ENOX1: variants seen among roughly 807,000 people sequenced by gnomAD.
The protein encoded by ENOX1 is ecto-NOX disulfide-thiol exchanger 1.
In ENOX1, 42 loss-of-function variants were observed where a neutral mutation model predicts 82.5. That is an observed-to-expected ratio of 0.51 (90% CI 0.40 to 0.66). ENOX1 has a LOEUF of 0.66. Ranked by LOEUF, ENOX1 falls within the 30% of genes least tolerant of loss-of-function variation. The probability of loss-of-function intolerance (pLI) is 0.00; values close to 1 mark genes in which losing one functional copy is unlikely to be tolerated. For synonymous variants in ENOX1, 271 were observed against 282.2 expected (o/e 0.96, Z 0.40); for missense variants, 608 against 811.6 (o/e 0.75, Z 3.05).
chr13:43,325,981 G>A (rs77840606), intron 10 of ENOX1, among the ~76,000 whole-genome samples: 1,855 of 152,136 alleles, frequency 0.012, 46 homozygotes, highest in African/African-American at 0.043. Flanking sequence ...CTAGCATAGG[G>A]ACTAAGATGT....
At chr13:43,657,840 C>T (rs2153782689) in intron 2 of ENOX1, among the ~76,000 whole-genome samples, 1 of 152,230 alleles carries the variant, frequency 6.6e-6, no homozygotes, top group South Asian at 2.1e-4. Flanking sequence ...AAATTCGGGC[C>T]TCATTATTAT....
chr13:43,736,619 G>A (rs1215549188), intron 1 of ENOX1, among the ~76,000 whole-genome samples: 1 of 152,096 alleles, frequency 6.6e-6, no homozygotes, highest in Non-Finnish European at 1.5e-5. Flanking sequence ...TATCCCGCTT[G>A]TCTCCGCAGT....
At chr13:43,323,550 T>C (rs2047933727) in intron 10 of ENOX1, among the ~76,000 whole-genome samples, 1 of 152,216 alleles carries the variant, frequency 6.6e-6, no homozygotes, top group Non-Finnish European at 1.5e-5. Flanking sequence ...TTTATATTAT[T>C]ATTTTGTATC....
intron 1 of ENOX1, among the ~76,000 whole-genome samples, chr13:43,686,873 A>G (rs1212824699): frequency 1.3e-5 from 2 of 152,156 alleles, no homozygotes; most frequent in Non-Finnish European, 2.9e-5. Context: ...ACTCGTGGAA[A>G]ACAGCATACT....
chr13:43,549,691 T>C (rs2079108102), intron 2 of ENOX1, among the ~76,000 whole-genome samples: 1 of 152,242 alleles, frequency 6.6e-6, no homozygotes, highest in Non-Finnish European at 1.5e-5. Context: ...CCTCTGTATC[T>C]TGCAAATGTA....
chr13:43,390,560 A>G (rs2052712465), intron 5 of ENOX1, among the ~76,000 whole-genome samples: 1 of 152,172 alleles, frequency 6.6e-6, no homozygotes, highest in Non-Finnish European at 1.5e-5. Context: ...CACCATCTGT[A>G]TTAAGAACTG....
intron 3 of ENOX1, among the ~76,000 whole-genome samples, chr13:43,416,611 G>C (rs533980762): frequency 6.7e-6 from 1 of 149,248 alleles, no homozygotes; most frequent in Non-Finnish European, 1.5e-5. Flanking sequence ...CTTCCTAGAC[G>C]GGGTGGCCAG....
chr13:43,358,632 G>A (rs2050301585), intron 7 of ENOX1, among the ~76,000 whole-genome samples: 1 of 152,156 alleles, frequency 6.6e-6, no homozygotes, highest in Non-Finnish European at 1.5e-5. Flanking sequence ...TGGTTTCTAT[G>A]TTGCAGGTGC....
At chr13:43,459,257 T>C (rs2057359801) in intron 3 of ENOX1, 1 of 152,182 alleles carries the variant, frequency 6.6e-6, no homozygotes, top group Admixed American at 6.5e-5. Context: ...ATAAAGACAG[T>C]TGAATGACCA....
At chr13:43,643,656 C>T (rs538642372) in intron 2 of ENOX1, among the ~76,000 whole-genome samples, 26 of 150,392 alleles carry the variant, frequency 1.7e-4, no homozygotes, top group African/African-American at 5.8e-4. Flanking sequence ...TATACACACA[C>T]ATATATATAT....
intron 2 of ENOX1, among the ~76,000 whole-genome samples, chr13:43,593,773 T>C (rs1417709569): frequency 6.7e-6 from 1 of 150,254 alleles, no homozygotes; most frequent in Admixed American, 6.7e-5. Context: ...GGGAAAGTCT[T>C]GGAGTAAATA....
intron 3 of ENOX1, among the ~76,000 whole-genome samples, chr13:43,442,413 T>C (rs1284052917): frequency 1.3e-5 from 2 of 152,124 alleles, no homozygotes; most frequent in Non-Finnish European, 2.9e-5. Context: ...AGCGAATGCA[T>C]TATTAAAAGA....
In ENOX1 at chr13:43,671,385, C is replaced by T. The variant is rs577113955; in HGVS notation, c.-284-3841G>A. 3.3e-5 allele frequency among the ~76,000 whole-genome samples: 5 copies of T among 152,284 alleles called. No homozygotes were observed. The South Asian group carries it at 1.0e-3, about 32-fold the overall frequency. On this transcript the variant is annotated intron_variant, in intron 1 of 16. Transcript: ENST00000690772. Reference sequence around the variant, plus strand: ...AGAACTAGAATGAAAAGAGGTGCTGCTTTGGGCAGAGACCCTGAGCAGTCA... The same window carrying T: ...AGAACTAGAATGAAAAGAGGTGCTGTTTTGGGCAGAGACCCTGAGCAGTCA...
intron 8 of ENOX1, among the ~76,000 whole-genome samples, 180 bp downstream of exon 8, chr13:43,355,739 C>T (rs113005744): frequency 4.6e-5 from 7 of 152,274 alleles, no homozygotes; most frequent in African/African-American, 1.7e-4. Context: ...CCAGGAGACC[C>T]CCCAGCTAAC....
rs188176831 is a variant in ENOX1 at position 43,494,539 on chromosome 13, C to A, written c.-218-10387G>T. The stretch of plus-strand genomic sequence containing the variant: ...TGTTTACGATTTATTTGTACCTTTA[C>A]TGAAGGTACCTTTAATATTGTAAGA... On this transcript the variant is annotated intron_variant, in intron 2 of 16. Transcript: ENST00000690772. Among the ~76,000 whole-genome samples, 258 of 152,262 alleles carry A rather than the reference C, an allele frequency of 1.7e-3. 1 individual carries two copies. Among genetic ancestry groups the A allele is most frequent in the Non-Finnish European group, 2.7e-3 (187 of 68,032 alleles).
At chr13:43,460,354 C>A (rs749494628) in intron 3 of ENOX1, among the ~76,000 whole-genome samples, 4 of 152,028 alleles carry the variant, frequency 2.6e-5, no homozygotes, top group Non-Finnish European at 4.4e-5. Flanking sequence ...ATTAAAAATT[C>A]TATCAGAAAC....
intron 1 of ENOX1, among the ~76,000 whole-genome samples, chr13:43,696,657 G>A (rs2086654553): frequency 6.6e-6 from 1 of 152,130 alleles, no homozygotes; most frequent in Admixed American, 6.5e-5. Context: ...GAAGATCTGG[G>A]TGGGTTTTGA....
intron 5 of ENOX1, among the ~76,000 whole-genome samples, chr13:43,397,483 C>T (rs534234500): frequency 3.3e-5 from 5 of 152,250 alleles, no homozygotes; most frequent in African/African-American, 1.2e-4. Flanking sequence ...GAATAAATGG[C>T]TAGGATGCAT....
chr13:43,349,017 T>C (rs1003131693), intron 8 of ENOX1, among the ~76,000 whole-genome samples: 1 of 152,216 alleles, frequency 6.6e-6, no homozygotes, highest in Non-Finnish European at 1.5e-5. Flanking sequence ...GATCTTGGAA[T>C]GTATCCCCCA....
Sources: gnomAD v4.1 joint callset for allele counts (sites outside exome capture counted in the v4.1 genomes callset) on GRCh38, gnomAD v4.1.1 for gene constraint, MANE v1.5 for transcripts, NCBI Gene and HGNC (gene_info 2026-07-23, HGNC 2026-07-21) for gene names.